UBE4B: variants seen among roughly 807,000 people sequenced by gnomAD.
UBE4B encodes ubiquitin conjugation factor E4 B.
In UBE4B, 27 loss-of-function variants were observed where a neutral mutation model predicts 148.1. The ratio of observed to expected loss-of-function variants is 0.18; its 90% confidence interval spans 0.13 to 0.25. The LOEUF is 0.25. Among genes scored for constraint, UBE4B ranks in the 10% least tolerant of loss-of-function variants. UBE4B has a pLI of 1.00. For missense variants in UBE4B, 1,170 were observed against 1,662.4 expected (o/e 0.70, Z 5.15); for synonymous variants, 596 against 619.3 (o/e 0.96, Z 0.56).
At chr1:10,092,355 G>C (rs1260243662) in intron 2 of UBE4B, among the ~76,000 whole-genome samples, 4 of 152,046 alleles carry the variant, frequency 2.6e-5, no homozygotes, top group Non-Finnish European at 5.9e-5. Flanking sequence ...TTCCCGAGTA[G>C]CTGGGACTAC....
At chr1:10,144,230 T>C (rs1645830678) in intron 17 of UBE4B, among the ~76,000 whole-genome samples, 1 of 152,076 alleles carries the variant, frequency 6.6e-6, no homozygotes, top group Admixed American at 6.5e-5. Flanking sequence ...GAGGGAACAG[T>C]TGTAAAGGAC....
At chr1:10,103,393 C>A (rs1171954093) in intron 5 of UBE4B, among the ~76,000 whole-genome samples, 1 of 146,090 alleles carries the variant, frequency 6.8e-6, no homozygotes, top group Non-Finnish European at 1.5e-5. Context: ...TAGAGCATTA[C>A]CTCCTCTTTA....
At chr1:10,095,740 T>A in intron 3 of UBE4B, 144 bp downstream of exon 3, 1 of 907,508 alleles carries the variant, frequency 1.1e-6, no homozygotes, top group South Asian at 1.8e-5. Flanking sequence ...TGTATTAAAT[T>A]TAAAGATTTT....
chr1:10,175,513 T>C (rs771193816), intron 25 of UBE4B, among the ~76,000 whole-genome samples: 13 of 151,154 alleles, frequency 8.6e-5, no homozygotes, highest in East Asian at 7.8e-4. Context: ...TAGCCAGGCG[T>C]GGTGGCGGGC....
chr1:10,039,290 G>T (rs1365829786), intron 1 of UBE4B, among the ~76,000 whole-genome samples: 2 of 152,130 alleles, frequency 1.3e-5, no homozygotes, highest in African/African-American at 2.4e-5. Context: ...AGTAGCAGTT[G>T]CCCTGGGAAC....
intron 1 of UBE4B, chr1:10,058,791 C>A (rs968400575): frequency 6.6e-6 from 1 of 152,342 alleles, no homozygotes; most frequent in Non-Finnish European, 1.5e-5. Flanking sequence ...CACCTCAGGG[C>A]GGAAGACAGC....
chr1:10,149,618 A>G (rs1645937590), intron 20 of UBE4B, among the ~76,000 whole-genome samples: 1 of 152,242 alleles, frequency 6.6e-6, no homozygotes, highest in Non-Finnish European at 1.5e-5. Context: ...AAATATCCAC[A>G]TCTATATTTT....
chr1:10,043,047 T>C (rs1428524145), intron 1 of UBE4B, among the ~76,000 whole-genome samples: 1 of 151,484 alleles, frequency 6.6e-6, no homozygotes, highest in African/African-American at 2.4e-5. Flanking sequence ...TTTTACTCTG[T>C]CACTCAGGCT....
intron 12 of UBE4B, among the ~76,000 whole-genome samples, chr1:10,129,903 T>C (rs1008261633): frequency 5.9e-5 from 9 of 152,014 alleles, no homozygotes; most frequent in Non-Finnish European, 8.8e-5. Flanking sequence ...TCCACCCGCC[T>C]CAGCCTCCCA....
Position 10,168,054 on chromosome 1 carries a change from A to C in UBE4B, c.3199-82A>C. The C allele has an allele frequency of 6.7e-7, 1 of 1,492,772 alleles. No homozygotes were observed. The highest frequency in any genetic ancestry group is 8.9e-7 in the Non-Finnish European group (1 of 1,117,338). The allele number at this position is 1,492,772 out of a possible 1,614,324, so 92.5% of individuals were successfully genotyped here. ...CCTAAGCATGTTGGGTTTATCACGC[A>C]CTTTCCAGTTATGTGCTTGGCGCTT... On this transcript the variant is annotated intron_variant, in intron 23 of 27. Coordinates refer to ENST00000343090, the MANE Select transcript of UBE4B (RefSeq NM_001105562.3). The surrounding 1 kb of genome is among the most constrained non-coding windows in gnomAD (Gnocchi z 4.9).
At chr1:10,165,632 C>T (rs1646235286) in intron 23 of UBE4B, among the ~76,000 whole-genome samples, 1 of 152,132 alleles carries the variant, frequency 6.6e-6, no homozygotes, top group Non-Finnish European at 1.5e-5. Flanking sequence ...CACTCTACCC[C>T]AGCCAGACTC....
chr1:10,088,314 G>A (rs562049184), intron 2 of UBE4B, among the ~76,000 whole-genome samples: 2 of 152,210 alleles, frequency 1.3e-5, no homozygotes, highest in East Asian at 3.9e-4. Context: ...TCTTATCCCA[G>A]TATTTAAGAT....
chr1:10,034,300 T>G (rs959005892), intron 1 of UBE4B, among the ~76,000 whole-genome samples: 1 of 152,210 alleles, frequency 6.6e-6, no homozygotes, highest in Non-Finnish European at 1.5e-5. Context: ...TTCTGTTACA[T>G]TCTATCTTTT....
chr1:10,078,264 C>G (rs369276142), intron 2 of UBE4B, among the ~76,000 whole-genome samples: 5 of 152,158 alleles, frequency 3.3e-5, no homozygotes. Flanking sequence ...CTGTCTCAGC[C>G]TCCCAAAGTG....
intron 2 of UBE4B, among the ~76,000 whole-genome samples, chr1:10,086,097 G>C (rs1039884910): frequency 2.0e-5 from 3 of 151,838 alleles, no homozygotes; most frequent in Non-Finnish European, 2.9e-5. Context: ...TCAGCCTCCC[G>C]AGTAGCTGGG....
chr1:10,059,475 C>T (rs1004015606), intron 1 of UBE4B: 12 of 214,368 alleles, frequency 5.6e-5, no homozygotes, highest in Non-Finnish European at 9.9e-5. Context: ...CTGGCACAGT[C>T]GAGCCTTGGG....
chr1:10,111,263 A>C (rs910885602), intron 7 of UBE4B, among the ~76,000 whole-genome samples: 1 of 152,020 alleles, frequency 6.6e-6, no homozygotes, highest in Non-Finnish European at 1.5e-5. Context: ...CCAAGCATAC[A>C]TGCACATACG....
intron 1 of UBE4B, among the ~76,000 whole-genome samples, chr1:10,045,801 G>T (rs1643902175): frequency 6.6e-6 from 1 of 152,176 alleles, no homozygotes; most frequent in East Asian, 1.9e-4. Flanking sequence ...GATACATTTT[G>T]TGGGTAGAGC....
In UBE4B at chr1:10,111,249, C is replaced by A. The variant is rs77958155; in HGVS notation, c.1196+4666C>A. ...ACACCACGCGCTACACACACACCCC[C>A]ACACCAAGCATACATGCACATACGT... is the stretch of plus-strand genomic sequence containing the variant. On this transcript the variant is annotated intron_variant, in intron 7 of 27. Coordinates refer to ENST00000343090, the MANE Select transcript of UBE4B (RefSeq NM_001105562.3). Among the ~76,000 whole-genome samples the A allele has an allele frequency of 6.2e-4, 95 of 152,202 alleles. 1 individual carries two copies. Among genetic ancestry groups the A allele is most frequent in the African/African-American group, 2.1e-3 (86 of 41,538 alleles).
Sources: gnomAD v4.1 joint callset for allele counts (sites outside exome capture counted in the v4.1 genomes callset) on GRCh38, gnomAD v4.1.1 for gene constraint, Gnocchi (gnomAD v3.1) non-coding constraint, MANE v1.5 for transcripts, NCBI Gene and HGNC (gene_info 2026-07-23, HGNC 2026-07-21) for gene names.